TBC1D9B: variants seen among roughly 807,000 people sequenced by gnomAD.
TBC1D9B encodes the protein TBC1 domain family, member 9B (with GRAM domain).
A neutral mutation model predicts 121.1 loss-of-function variants in TBC1D9B; 87 were observed. The observed-to-expected ratio is 0.72, with a 90% confidence interval of 0.60 to 0.86. The LOEUF is 0.86. Ranked by LOEUF, TBC1D9B falls within the 40% of genes least tolerant of loss-of-function variation. The pLI is 0.00. For synonymous variants in TBC1D9B, 668 were observed against 670.1 expected (o/e 1.00, Z 0.05); for missense variants, 1,540 against 1,628.6 (o/e 0.95, Z 0.94).
At chr5:179,870,748 G>C (rs563985722) in intron 15 of TBC1D9B, 2 of 530,306 alleles carry the variant, frequency 3.8e-6, no homozygotes, top group South Asian at 2.6e-5. Context: ...TGGTCTGCTG[G>C]CCCCAGAGAA....
rs1760639995 is a variant in TBC1D9B, at chr5:179,885,067, G to A, written c.1254+3036C>T. On this transcript the variant is annotated intron_variant, in intron 7 of 20. Coordinates refer to ENST00000355235, the MANE Select transcript of TBC1D9B (RefSeq NM_015043.4). This position sits in a 1 kb window ranked among gnomAD's most constrained non-coding sequence, Gnocchi z 4.5. ...CCTTGATGCTCGACTCCATCATCTT[G>A]TGCCCCTGCTTCTGTGATGGGCTCC... Among the ~76,000 whole-genome samples the A allele has an allele frequency of 6.6e-6, 1 of 152,028 alleles. No homozygotes were observed. Among genetic ancestry groups the A allele is most frequent in the Non-Finnish European group, 1.5e-5 (1 of 68,018 alleles).
In TBC1D9B at chr5:179,885,373, T is replaced by A. The variant is rs192718323; in HGVS notation, c.1254+2730A>T. On this transcript the variant is annotated intron_variant, in intron 7 of 20. Coordinates refer to ENST00000355235, the MANE Select transcript of TBC1D9B (RefSeq NM_015043.4). The surrounding 1 kb of genome is among the most constrained non-coding windows in gnomAD (Gnocchi z 4.5). ...GGGAGGCTGAGGCAGGTGGATCGCCTGAGGTCAGGAGTTCAAGACCAGACT... is the reference window on the plus strand; with the variant it reads ...GGGAGGCTGAGGCAGGTGGATCGCCAGAGGTCAGGAGTTCAAGACCAGACT... Among the ~76,000 whole-genome samples the A allele has an allele frequency of 2.0e-5, 3 of 152,218 alleles. No homozygotes were observed. Among genetic ancestry groups the A allele is most frequent in the Admixed American group, 2.0e-4 (3 of 15,282 alleles).
Position 179,863,411 on chromosome 5 carries a change from T to C in TBC1D9B, c.*37A>G. On this transcript the variant is annotated 3_prime_UTR_variant, in exon 21 of 21. Coordinates refer to ENST00000355235, the MANE Select transcript of TBC1D9B (RefSeq NM_015043.4). The surrounding 1 kb of genome is among the most constrained non-coding windows in gnomAD (Gnocchi z 4.5). ...CAGGAGGAGATGAGGCCAGCCCCACTGATGACACCTTGGGCCAGGCCTCAC... is the reference window on the plus strand; with the variant it reads ...CAGGAGGAGATGAGGCCAGCCCCACCGATGACACCTTGGGCCAGGCCTCAC... 6.3e-7 allele frequency: 1 copy of C among 1,594,166 alleles called. No individual in the cohort carries two copies. Among genetic ancestry groups the C allele is most frequent in the African/African-American group, 1.3e-5 (1 of 74,506 alleles).
intron 7 of TBC1D9B, among the ~76,000 whole-genome samples, chr5:179,880,249 G>A (rs1002625905): frequency 1.3e-5 from 2 of 152,250 alleles, no homozygotes; most frequent in African/African-American, 4.8e-5. Flanking sequence ...TTGCTACCAA[G>A]GAAATGAGTG....
intron 7 of TBC1D9B, among the ~76,000 whole-genome samples, chr5:179,882,809 A>T (rs1760577576): frequency 6.6e-6 from 1 of 152,164 alleles, no homozygotes; most frequent in Non-Finnish European, 1.5e-5. Flanking sequence ...AGATTGTGCC[A>T]CTGCACTCCA....
chr5:179,879,224 T>G, intron 8 of TBC1D9B, 27 bp from the exon 9 acceptor site: 5 of 1,589,924 alleles, frequency 3.1e-6, no homozygotes, highest in Non-Finnish European at 4.3e-6. Context: ...TCAGGGAGCC[T>G]GGGGGCCGAA....
chr5:179,884,191 C>T (rs1301927728), intron 7 of TBC1D9B, among the ~76,000 whole-genome samples: 1 of 152,184 alleles, frequency 6.6e-6, no homozygotes, highest in African/African-American at 2.4e-5. Context: ...AAAAAAGCCT[C>T]CTCTATAAAC....
chr5:179,884,392 C>T (rs559960459), intron 7 of TBC1D9B: 1 of 152,300 alleles, frequency 6.6e-6, no homozygotes, highest in South Asian at 2.1e-4. Flanking sequence ...TGTGTCTGCA[C>T]AGAGTCATGC....
At position 179,864,048 on chromosome 5, in the gene TBC1D9B, G is replaced by A. The variant is rs766469762; in HGVS notation, c.3102C>T (p.Ile1034=). 2.7e-5 allele frequency: 44 copies of A among 1,613,626 alleles called. No homozygotes were observed. The highest frequency in any genetic ancestry group is 5.0e-5 in the Admixed American group (3 of 60,004). ...GGAGCAGGAGGCTGGCCACGGTGGCGATGGCGTGGTACAGGTCCTGCTCCA... is the reference window on the plus strand; with the variant it reads ...GGAGCAGGAGGCTGGCCACGGTGGCAATGGCGTGGTACAGGTCCTGCTCCA... ...DPMEQDLYHA[I]ATVASLLLRI... The change falls in exon 21 of 21, where the codon ATC becomes ATT. Residue 1034 remains isoleucine, a synonymous_variant. Transcript: ENST00000355235.
chr5:179,907,722 T>C lies in TBC1D9B; in HGVS notation c.100A>G (p.Arg34Gly). 1 of 1,179,984 alleles carries C rather than the reference T, an allele frequency of 8.5e-7. No individual in the cohort carries two copies. The highest frequency in any genetic ancestry group is 1.6e-5 in the South Asian group (1 of 64,376). The allele number at this position is 1,179,984 out of a possible 1,614,324, so 73.1% of individuals were successfully genotyped here. ...FVLQRRRGHGRGGGLTGLLVG... is the reference protein window; with the variant it reads ...FVLQRRRGHGGGGGLTGLLVG... ...CTCTCACCCGTAAGGCCGCCGCCCCTGCCGTGGCCCCGGCGTCGCTGCAGC... is the reference window on the plus strand; with the variant it reads ...CTCTCACCCGTAAGGCCGCCGCCCCCGCCGTGGCCCCGGCGTCGCTGCAGC... The change falls in exon 1 of 21, where the codon AGG (arginine) becomes GGG (glycine). Residue 34 changes from arginine to glycine, a missense_variant. By Grantham distance (125) the Arg-to-Gly change is moderately radical. Transcript: ENST00000355235. The surrounding 1 kb of genome is among the most constrained non-coding windows in gnomAD (Gnocchi z 5.3).
At chr5:179,871,847 T>C in intron 14 of TBC1D9B, 1 of 131,860 alleles carries the variant, frequency 7.6e-6, no homozygotes, top group Non-Finnish European at 1.3e-5. Context: ...CTTCCCAGGA[T>C]GGGCTTGGGG....
intron 17 of TBC1D9B, chr5:179,869,482 T>C (rs1358365514): frequency 1.6e-6 from 1 of 612,868 alleles, no homozygotes; most frequent in Non-Finnish European, 3.0e-6. Flanking sequence ...CTCATGGCCC[T>C]CCTAGTGGGT....
chr5:179,864,080 C>G lies in TBC1D9B; in HGVS notation c.3070G>C (p.Asp1024His), dbSNP rs771462049. The change falls in exon 21 of 21, where the codon GAC becomes CAC. Residue 1024 changes from aspartate to histidine, a missense_variant. Transcript: ENST00000355235. ...TGGTACAGGTCCTGCTCCATGGGGT[C>G]TTCACTGAACATGTTGTAAAGCGTC... Reference protein sequence around the residue: ...CKTLYNMFSEDPMEQDLYHAI... With the variant: ...CKTLYNMFSEHPMEQDLYHAI... 1.9e-6 allele frequency: 3 copies of G among 1,613,392 alleles called. No homozygotes were observed. The South Asian group carries it at 3.3e-5, about 18-fold the overall frequency.
In TBC1D9B at chr5:179,874,752, G is replaced by C; in HGVS notation, c.2186+150C>G. ...CGCTGCTTCATCTCCCACTAGAAAGGAGCCGCCTCCTGACCCCAGAGCACC... is the reference window on the plus strand; with the variant it reads ...CGCTGCTTCATCTCCCACTAGAAAGCAGCCGCCTCCTGACCCCAGAGCACC... On this transcript the variant is annotated intron_variant, in intron 12 of 20. Coordinates refer to ENST00000355235, the MANE Select transcript of TBC1D9B (RefSeq NM_015043.4). The surrounding 1 kb of genome is among the most constrained non-coding windows in gnomAD (Gnocchi z 4.3). The C allele has an allele frequency of 8.9e-7, 1 of 1,120,778 alleles. No individual in the cohort carries two copies. The allele number at this position is 1,120,778 out of a possible 1,614,324, so 69.4% of individuals were successfully genotyped here.
At chr5:179,894,715 G>A (rs1760972983) in intron 3 of TBC1D9B, 101 bp from the exon 4 acceptor site, 3 of 1,196,308 alleles carry the variant, frequency 2.5e-6, no homozygotes, top group African/African-American at 3.0e-5. Context: ...ATGGACCTTG[G>A]TCTAAGGGCT....
At chr5:179,895,683 G>A (rs1357849061) in intron 3 of TBC1D9B, among the ~76,000 whole-genome samples, 1 of 152,158 alleles carries the variant, frequency 6.6e-6, no homozygotes, top group Non-Finnish European at 1.5e-5. Context: ...TTTCTAGAAA[G>A]ACAATTACAA....
chr5:179,905,261 G>T (rs1761280388), intron 1 of TBC1D9B, among the ~76,000 whole-genome samples: 1 of 152,200 alleles, frequency 6.6e-6, no homozygotes, highest in Admixed American at 6.5e-5. Context: ...ACTGCCATGT[G>T]CGTCTCCTGA....
At chr5:179,906,082 G>A (rs757332428) in intron 1 of TBC1D9B, among the ~76,000 whole-genome samples, 2 of 152,228 alleles carry the variant, frequency 1.3e-5, no homozygotes, top group Non-Finnish European at 1.5e-5. Context: ...GTTTTGCCAT[G>A]TTGGCCAAGC....
rs1207428570 is a variant in TBC1D9B, at chr5:179,885,293, A to T, written c.1254+2810T>A. On this transcript the variant is annotated intron_variant, in intron 7 of 20. Transcript: ENST00000355235. This position sits in a 1 kb window ranked among gnomAD's most constrained non-coding sequence, Gnocchi z 4.5. ...ACTCGCATTTCAACAGGAATCAATTAAAAAATGATGGAGTGGCCAGGCACG... is the reference window on the plus strand; with the variant it reads ...ACTCGCATTTCAACAGGAATCAATTTAAAAATGATGGAGTGGCCAGGCACG... 6.6e-6 allele frequency among the ~76,000 whole-genome samples: 1 copy of T among 152,218 alleles called. No individual in the cohort carries two copies. Among genetic ancestry groups the T allele is most frequent in the African/African-American group, 2.4e-5 (1 of 41,466 alleles).
Sources: allele counts gnomAD v4.1 joint callset (sites outside exome capture counted in the v4.1 genomes callset), GRCh38; gene constraint gnomAD v4.1.1; non-coding constraint Gnocchi (gnomAD v3.1); transcripts MANE v1.5; gene names NCBI Gene and HGNC (gene_info 2026-07-23, HGNC 2026-07-21).